MS4A18: variants seen among roughly 807,000 people sequenced by gnomAD.
MS4A18 encodes membrane spanning 4-domains A18.
In MS4A18, 27 loss-of-function variants were observed where a neutral mutation model predicts 13.1. That is an observed-to-expected ratio of 2.06 (90% CI 1.52 to 2.84). The LOEUF (loss-of-function observed/expected upper bound fraction) is 2.84. MS4A18 is among the 30% of genes most tolerant of loss of function. The pLI, the probability that MS4A18 is intolerant of heterozygous loss-of-function variation, is 0.00. For missense variants in MS4A18, 307 were observed against 196.4 expected (o/e 1.56, Z -3.37); for synonymous variants, 126 against 76.5 (o/e 1.65, Z -3.38).
chr11:60,738,414 ACTT>A lies in MS4A18; in HGVS notation c.649-482_649-480del, dbSNP rs1453805553. Reference sequence around the variant, plus strand: ...CAATTCAAGCTTGGGATCTCTGCTCACTTCTTCTGCAGAGTAGTTCTGCATCTT... The same window carrying A: ...CAATTCAAGCTTGGGATCTCTGCTCACTTCTGCAGAGTAGTTCTGCATCTT... On this transcript the variant is annotated intron_variant, in intron 3 of 5. Coordinates refer to ENST00000529108, the Ensembl canonical transcript of MS4A18. Among the ~76,000 whole-genome samples, 10 of 152,246 alleles carry A rather than the reference ACTT, an allele frequency of 6.6e-5. 1 individual carries two copies. The highest frequency in any genetic ancestry group is 4.1e-4 in the South Asian group (2 of 4,824).
At position 60,733,598 on chromosome 11, in the gene MS4A18, AT is replaced by A. The variant is rs1853288971; in HGVS notation, c.543del (p.Pro182LeufsTer3). On this transcript the variant is annotated frameshift_variant, in exon 2 of 6. Coordinates refer to ENST00000529108, the Ensembl canonical transcript of MS4A18. LOFTEE classifies it high-confidence loss of function. Reference sequence around the variant, plus strand: ...GCAATTAACCCTGTGCTGTATTACTATCCTTTTGTGACCTGGTTGTCAGGGT... The same window carrying A: ...GCAATTAACCCTGTGCTGTATTACTACCTTTTGTGACCTGGTTGTCAGGGT... 1.4e-6 allele frequency: 1 copy of A among 703,420 alleles called. No homozygotes were observed. The highest frequency in any genetic ancestry group is 2.6e-6 in the Non-Finnish European group (1 of 385,136). The allele number at this position is 703,420 out of a possible 1,614,324, so 43.6% of individuals were successfully genotyped here.
At position 60,729,514 on chromosome 11, in the gene MS4A18, C is replaced by A. The variant is rs1228787070; in HGVS notation, c.199C>A (p.Gln67Lys). ...CTTACAGAATCTACTCGTGGTGAACCAGAACTCAGCAGCAGGTGTACAGAG... is the reference window on the plus strand; with the variant it reads ...CTTACAGAATCTACTCGTGGTGAACAAGAACTCAGCAGCAGGTGTACAGAG... The change falls in exon 1 of 6, where the codon CAG becomes AAG. Residue 67 changes from glutamine to lysine, a missense_variant. Transcript: ENST00000529108. The A allele has an allele frequency of 4.3e-6, 3 of 702,626 alleles. No individual in the cohort carries two copies. In the African/African-American group the frequency reaches 5.2e-5, roughly 12 times the overall value. The allele number at this position is 702,626 out of a possible 1,614,324, so 43.5% of individuals were successfully genotyped here.
At chr11:60,732,469 C>A (rs986418072) in intron 1 of MS4A18, among the ~76,000 whole-genome samples, 6 of 152,018 alleles carry the variant, frequency 3.9e-5, no homozygotes, top group Admixed American at 2.0e-4. Context: ...GTGGCTCACC[C>A]CTGTAATCCC....
chr11:60,734,249 C>T (rs1413122668), intron 2 of MS4A18, among the ~76,000 whole-genome samples: 1 of 152,022 alleles, frequency 6.6e-6, no homozygotes, highest in Non-Finnish European at 1.5e-5. Flanking sequence ...GAGTGAGAGC[C>T]TGTCTCAAAG....
At chr11:60,728,385 T>A (rs1220284586), upstream of MS4A18, among the ~76,000 whole-genome samples, 1 of 150,718 alleles carries the variant, frequency 6.6e-6, no homozygotes. Context: ...AGGTAGTATC[T>A]GTGTGTATGT....
intron 1 of MS4A18, among the ~76,000 whole-genome samples, chr11:60,729,990 A>G (rs189404316): frequency 2.4e-4 from 37 of 152,226 alleles, no homozygotes; most frequent in African/African-American, 8.4e-4. Context: ...AAGGAGACCC[A>G]TGGTTTGGGG....
At chr11:60,727,250 T>C (rs756922274), upstream of MS4A18, among the ~76,000 whole-genome samples, 4 of 152,218 alleles carry the variant, frequency 2.6e-5, no homozygotes, top group Non-Finnish European at 5.9e-5. Flanking sequence ...AGAACAAATG[T>C]TAACTGTTCC....
intron 5 of MS4A18, among the ~76,000 whole-genome samples, chr11:60,741,514 G>C (rs886197768): frequency 6.6e-6 from 1 of 152,072 alleles, no homozygotes; most frequent in Non-Finnish European, 1.5e-5. Context: ...TAGGTTCCAA[G>C]AGTAGCAAGA....
chr11:60,725,206 CTTTT>C (rs893726845), upstream of MS4A18, among the ~76,000 whole-genome samples: 2 of 151,924 alleles, frequency 1.3e-5, no homozygotes, highest in Non-Finnish European at 2.9e-5. Flanking sequence ...TCTTCTTCTT[CTTTT>C]TGAGACGGAG....
rs907299570 is a variant in MS4A18 at position 60,733,718 on chromosome 11, G to C, written c.591+71G>C. On this transcript the variant is annotated intron_variant, in intron 2 of 5. Coordinates refer to ENST00000529108, the Ensembl canonical transcript of MS4A18. ...GACAAGAAGGAAGTGGAGGAAGAAG[G>C]AGCATGGAATCCCATTCCCAGTAAT... 3.3e-5 allele frequency: 23 copies of C among 701,846 alleles called. 1 individual carries two copies. Among genetic ancestry groups the C allele is most frequent in the South Asian group, 3.3e-4 (22 of 67,332 alleles). The allele number at this position is 701,846 out of a possible 1,614,324, so 43.5% of individuals were successfully genotyped here.
At chr11:60,725,620 C>G (rs910455921), upstream of MS4A18, among the ~76,000 whole-genome samples, 2 of 151,562 alleles carry the variant, frequency 1.3e-5, no homozygotes, top group African/African-American at 2.4e-5. Context: ...AAGGAGTCCT[C>G]TGAAAAAAAG....
chr11:60,741,391 G>A (rs1210913261), intron 5 of MS4A18, among the ~76,000 whole-genome samples: 1 of 152,142 alleles, frequency 6.6e-6, no homozygotes, highest in African/African-American at 2.4e-5. Context: ...ACTCACCCTT[G>A]TATCTTAGCT....
exon 6 of MS4A18, chr11:60,743,939 G>C (rs1296013624): frequency 1.4e-6 from 1 of 702,950 alleles, no homozygotes; most frequent in Non-Finnish European, 2.6e-6. Context: ...ACCACCAGTT[G>C]TGTCAATGCT....
chr11:60,736,610 C>T (rs1853343733), intron 2 of MS4A18, among the ~76,000 whole-genome samples: 1 of 152,154 alleles, frequency 6.6e-6, no homozygotes, highest in East Asian at 1.9e-4. Flanking sequence ...GAGGATAGGG[C>T]AGCGGAGGCC....
chr11:60,740,603 G>T (rs143624207), intron 4 of MS4A18, among the ~76,000 whole-genome samples: 1 of 152,168 alleles, frequency 6.6e-6, no homozygotes, highest in Non-Finnish European at 1.5e-5. Flanking sequence ...TCTCAGTTTG[G>T]GTTCCTCCCA....
downstream of MS4A18, among the ~76,000 whole-genome samples, chr11:60,744,754 T>C (rs917976075): frequency 4.6e-5 from 7 of 152,212 alleles, no homozygotes; most frequent in African/African-American, 1.7e-4. Flanking sequence ...AATAAGCGTA[T>C]GAAAAGATGT....
At position 60,729,910 on chromosome 11, in the gene MS4A18, T is replaced by G. The variant is rs1338970204; in HGVS notation, c.477+118T>G. The G allele has an allele frequency of 5.0e-6, 3 of 604,118 alleles. No homozygotes were observed. In the African/African-American group the frequency reaches 5.6e-5, roughly 11 times the overall value. 37.4% of individuals were successfully genotyped at this position (604,118 alleles called of 1,614,324 possible). On this transcript the variant is annotated intron_variant, in intron 1 of 5. Coordinates refer to ENST00000529108, the Ensembl canonical transcript of MS4A18. ...GAGGTGGAGTGGGTGTGGGGGGCAG[T>G]TTCTGGAGGCTGGACCCAGTACAAT... is the stretch of plus-strand genomic sequence containing the variant.
At chr11:60,734,470 TC>T (rs1853306410) in intron 2 of MS4A18, among the ~76,000 whole-genome samples, 1 of 152,042 alleles carries the variant, frequency 6.6e-6, no homozygotes, top group African/African-American at 2.4e-5. Context: ...TCAGGGCCCT[TC>T]CCTGCAGTGC....
downstream of MS4A18, among the ~76,000 whole-genome samples, chr11:60,744,606 A>G (rs1348854223): frequency 6.6e-6 from 1 of 152,234 alleles, no homozygotes; most frequent in African/African-American, 2.4e-5. Flanking sequence ...AAATATTTGC[A>G]AATCATATAT....
Sources: allele counts gnomAD v4.1 joint callset (sites outside exome capture counted in the v4.1 genomes callset), GRCh38; gene constraint gnomAD v4.1.1; transcripts MANE v1.5; gene names NCBI Gene and HGNC (gene_info 2026-07-23, HGNC 2026-07-21).